The following DCAF16 variants were observed in gnomAD, a reference collection of about 807,000 sequenced individuals.
The protein encoded by DCAF16 is DDB1- and CUL4-associated factor 16.
In DCAF16, 10 loss-of-function variants were observed where a neutral mutation model predicts 17.3. The observed-to-expected ratio is 0.58, with a 90% CI of 0.36 to 0.98. The LOEUF is 0.98. DCAF16 is among the 50% of genes least tolerant of loss of function. The pLI, the probability that DCAF16 is intolerant of heterozygous loss-of-function variation, is 0.01. For missense variants in DCAF16, 249 were observed against 247.6 expected (o/e 1.01, Z -0.04); for synonymous variants, 111 against 92.8 (o/e 1.20, Z -1.12).
intron 1 of DCAF16, among the ~76,000 whole-genome samples, chr4:17,806,591 G>A (rs1259187198): frequency 2.6e-5 from 4 of 152,094 alleles, no homozygotes; most frequent in African/African-American, 9.7e-5. Context: ...GACATTCCAT[G>A]CTCTTGGATG....
At chr4:17,794,178 C>T in the DCAF16 span, among the ~76,000 whole-genome samples, 1 of 152,096 alleles carries the variant, frequency 6.6e-6, no homozygotes, top group African/African-American at 2.4e-5. Flanking sequence ...TTGAGTATCC[C>T]TTATCTGAAA....
intron 1 of DCAF16, among the ~76,000 whole-genome samples, chr4:17,806,420 G>A (rs1415675100): frequency 6.6e-6 from 1 of 151,778 alleles, no homozygotes; most frequent in Non-Finnish European, 1.5e-5. Context: ...TTTTATACCA[G>A]CAATACTAAC....
chr4:17,795,640 T>C, the DCAF16 span, among the ~76,000 whole-genome samples: 11 of 152,380 alleles, frequency 7.2e-5, no homozygotes, highest in East Asian at 1.7e-3. Flanking sequence ...GTTTTTCCAA[T>C]AGCTTTTGTT....
chr4:17,808,857 C>T (rs547622275), intron 1 of DCAF16, among the ~76,000 whole-genome samples: 1 of 152,136 alleles, frequency 6.6e-6, no homozygotes, highest in Admixed American at 6.5e-5. Flanking sequence ...GGCGAAACCC[C>T]GTCTCTATTA....
chr4:17,798,057 G>A (rs781354182), downstream of DCAF16, among the ~76,000 whole-genome samples: 3 of 152,200 alleles, frequency 2.0e-5, no homozygotes, highest in Non-Finnish European at 4.4e-5. Context: ...ATACTAGGAA[G>A]TCAGTTTTAA....
chr4:17,793,699 C>G, the DCAF16 span, among the ~76,000 whole-genome samples: 38 of 152,048 alleles, frequency 2.5e-4, no homozygotes, highest in Non-Finnish European at 5.0e-4. Flanking sequence ...GATGTATAGA[C>G]TAGGAAAGGG....
rs1353115367 is a variant in DCAF16 at position 17,801,485 on chromosome 4, A to C, written c.*2006T>G. On this transcript the variant is annotated 3_prime_UTR_variant, in exon 3 of 3. Coordinates refer to ENST00000382247, the MANE Select transcript of DCAF16 (RefSeq NM_017741.4). ...CGGCACTTAATTATGGAAAATAGGA[A>C]AAAGCAAAACTAAAATAAGGAAGAG... The C allele has an allele frequency of 6.6e-6, 1 of 152,190 alleles. No homozygotes were observed. The allele number at this position is 152,190 out of a possible 1,614,324, so 9.4% of individuals were successfully genotyped here.
rs1577315382 is a variant in DCAF16, at chr4:17,803,474, G to A, written c.*17C>T. Reference sequence around the variant, plus strand: ...TCAATTAGCAACATCAGAGATATCAGAGCAAATGGTAGATCTTTACAGTGA... The same window carrying A: ...TCAATTAGCAACATCAGAGATATCAAAGCAAATGGTAGATCTTTACAGTGA... On this transcript the variant is annotated 3_prime_UTR_variant, in exon 3 of 3. Coordinates refer to ENST00000382247, the MANE Select transcript of DCAF16 (RefSeq NM_017741.4). 3.7e-6 allele frequency: 6 copies of A among 1,605,846 alleles called. No individual in the cohort carries two copies. The East Asian group carries it at 1.3e-4, about 36-fold the overall frequency.
At position 17,800,715 on chromosome 4, in the gene DCAF16, G is replaced by A. The variant is rs565953020; in HGVS notation, c.*2776C>T. On this transcript the variant is annotated 3_prime_UTR_variant, in exon 3 of 3. Transcript: ENST00000382247. ...CCAAGCTGGGGAAAGGCTTCCTTTC[G>A]AAGTGAATAGCAAAAATGCATTCAT... The A allele has an allele frequency of 4.6e-5, 7 of 152,708 alleles. No homozygotes were observed. In the South Asian group the frequency reaches 6.2e-4, roughly 14 times the overall value. The allele number at this position is 152,708 out of a possible 1,614,324, so 9.5% of individuals were successfully genotyped here.
intron 1 of DCAF16, among the ~76,000 whole-genome samples, chr4:17,807,258 G>C (rs1577321135): frequency 6.6e-6 from 1 of 152,248 alleles, no homozygotes; most frequent in South Asian, 2.1e-4. Context: ...AATCATTTCT[G>C]GACTGAACTA....
At chr4:17,799,236 G>A (rs1221767280), downstream of DCAF16, among the ~76,000 whole-genome samples, 2 of 152,092 alleles carry the variant, frequency 1.3e-5, no homozygotes, top group African/African-American at 4.8e-5. Flanking sequence ...TACTTGGATG[G>A]CTGCTCCATT....
At chr4:17,808,711 G>A (rs1720550770) in intron 1 of DCAF16, among the ~76,000 whole-genome samples, 1 of 152,138 alleles carries the variant, frequency 6.6e-6, no homozygotes, top group African/African-American at 2.4e-5. Context: ...GTCTCTGTTG[G>A]TGAGACAGCC....
intron 1 of DCAF16, among the ~76,000 whole-genome samples, chr4:17,807,389 A>G (rs1720422607): frequency 6.6e-6 from 1 of 152,254 alleles, no homozygotes; most frequent in Non-Finnish European, 1.5e-5. Context: ...CAATATGATC[A>G]CATTATGCTA....
At chr4:17,798,980 T>TA (rs936772233), downstream of DCAF16, among the ~76,000 whole-genome samples, 21 of 152,204 alleles carry the variant, frequency 1.4e-4, no homozygotes, top group African/African-American at 5.1e-4. Context: ...GGCGGACAGA[T>TA]ACGTTACCAG....
In DCAF16 at chr4:17,803,729, T is replaced by G; in HGVS notation, c.413A>C (p.His138Pro). 6.2e-7 allele frequency: 1 copy of G among 1,614,158 alleles called. No homozygotes were observed. The highest frequency in any genetic ancestry group is 8.5e-7 in the Non-Finnish European group (1 of 1,180,046). The change falls in exon 3 of 3, where the codon CAT becomes CCT. Residue 138 changes from histidine (H) to proline (P), a missense_variant. Coordinates refer to ENST00000382247, the MANE Select transcript of DCAF16 (RefSeq NM_017741.4). Reference sequence around the variant, plus strand: ...TTGCAGTGCTCCATTTAGAGTGGCATGATCTCTAGAGAGCCGGCTGGGACT... The same window carrying G: ...TTGCAGTGCTCCATTTAGAGTGGCAGGATCTCTAGAGAGCCGGCTGGGACT... ...LTSPSRLSRD[H>P]ATLNGALQFA... is the part of the protein sequence containing the mutation.
At chr4:17,793,728 T>A in the DCAF16 span, among the ~76,000 whole-genome samples, 2 of 152,140 alleles carry the variant, frequency 1.3e-5, no homozygotes, top group Non-Finnish European at 2.9e-5. Flanking sequence ...AATTTGAAAT[T>A]TTTAATACTT....
rs1719849889 is a variant in DCAF16 at position 17,802,133 on chromosome 4, T to C, written c.*1358A>G. The C allele has an allele frequency of 6.7e-6, 1 of 149,468 alleles. No homozygotes were observed. The highest frequency in any genetic ancestry group is 2.5e-5 in the African/African-American group (1 of 40,574). The allele number at this position is 149,468 out of a possible 1,614,324, so 9.3% of individuals were successfully genotyped here. A position where few individuals can be genotyped will look rare whatever the true frequency, so the allele number is the denominator to read the frequency against. ...AAAAAAAAAAAAAAAATTAGAAGGG[T>C]TCCTGAAAAGTTTGCAATGGATGTG... On this transcript the variant is annotated 3_prime_UTR_variant, in exon 3 of 3. Coordinates refer to ENST00000382247, the MANE Select transcript of DCAF16 (RefSeq NM_017741.4).
At chr4:17,794,783 A>T in the DCAF16 span, among the ~76,000 whole-genome samples, 1 of 152,206 alleles carries the variant, frequency 6.6e-6, no homozygotes, top group Non-Finnish European at 1.5e-5. Flanking sequence ...TTAATGTCAA[A>T]TTTTTAAAAA....
chr4:17,794,735 C>T, the DCAF16 span, among the ~76,000 whole-genome samples: 431 of 152,254 alleles, frequency 2.8e-3, 2 homozygotes, highest in African/African-American at 9.2e-3. Flanking sequence ...AAGGACCAAT[C>T]TAATTATAGC....
Sources: gnomAD v4.1 joint callset for allele counts (sites outside exome capture counted in the v4.1 genomes callset) on GRCh38, gnomAD v4.1.1 for gene constraint, MANE v1.5 for transcripts, NCBI Gene and HGNC (gene_info 2026-07-23, HGNC 2026-07-21) for gene names.